DGKB: variants seen among roughly 807,000 people sequenced by gnomAD.
DGKB encodes the protein 90 kDa diacylglycerol kinase.
DGKB carries 67 observed loss-of-function variants against 114.3 expected under a neutral mutation model. That is an observed-to-expected ratio of 0.59 (90% confidence interval 0.48 to 0.72). DGKB has a LOEUF of 0.72. Among genes scored for constraint, DGKB ranks in the 30% least tolerant of loss-of-function variants. The pLI is 0.00. For missense variants in DGKB, 907 were observed against 975.2 expected (o/e 0.93, Z 0.93); for synonymous variants, 398 against 323.1 (o/e 1.23, Z -2.49).
At chr7:14,678,095 C>T (rs1820190122) in intron 12 of DGKB, among the ~76,000 whole-genome samples, 2 of 152,064 alleles carry the variant, frequency 1.3e-5, no homozygotes, top group South Asian at 4.1e-4. Flanking sequence ...TTAAATAGTA[C>T]ATATGTTTGA....
At chr7:14,852,487 C>CAAAAAACAAAAAACAAAAA (rs1554304212) in intron 1 of DGKB, among the ~76,000 whole-genome samples, 37 of 63,618 alleles carry the variant, frequency 5.8e-4, no homozygotes, top group African/African-American at 2.2e-3. Context: ...TAGTGAAAGT[C>CAAAAAACAAAAAACAAAAA]AAAAAAAAAA....
intron 1 of DGKB, among the ~76,000 whole-genome samples, chr7:14,849,312 C>T (rs972232424): frequency 2.0e-5 from 3 of 147,846 alleles, no homozygotes; most frequent in African/African-American, 7.5e-5. Context: ...GAATATTTGT[C>T]CCCCTCACTG....
intron 23 of DGKB, among the ~76,000 whole-genome samples, chr7:14,196,363 G>A (rs967469975): frequency 1.3e-5 from 2 of 151,970 alleles, no homozygotes; most frequent in East Asian, 1.9e-4. Context: ...AACAGACTGC[G>A]GGCAGATTGA....
At chr7:14,340,887 T>A (rs1251344253) in intron 22 of DGKB, among the ~76,000 whole-genome samples, 1 of 151,766 alleles carries the variant, frequency 6.6e-6, no homozygotes, top group Non-Finnish European at 1.5e-5. Flanking sequence ...ATTATTTGAC[T>A]AGGCCTTAGA....
intron 12 of DGKB, 30 bp downstream of exon 12, chr7:14,682,523 G>A (rs745408744): frequency 2.0e-5 from 30 of 1,469,166 alleles, no homozygotes; most frequent in African/African-American, 5.5e-5. Context: ...GTGGGTGAAT[G>A]CTGGGATTTG....
chr7:14,227,819 A>G (rs1054276011), intron 23 of DGKB, among the ~76,000 whole-genome samples: 7 of 152,086 alleles, frequency 4.6e-5, no homozygotes, highest in African/African-American at 1.7e-4. Flanking sequence ...GTGGAATTTT[A>G]TTAAAATTTT....
intron 2 of DGKB, among the ~76,000 whole-genome samples, chr7:14,770,613 TC>T (rs1405978079): frequency 1.3e-5 from 2 of 152,078 alleles, no homozygotes; most frequent in Admixed American, 6.6e-5. Context: ...CAAATATAGT[TC>T]CTTTGATATC....
chr7:14,310,886 A>G (rs186074010), intron 23 of DGKB, among the ~76,000 whole-genome samples: 31 of 152,126 alleles, frequency 2.0e-4, no homozygotes, highest in Non-Finnish European at 4.3e-4. Flanking sequence ...TAATCCCAGC[A>G]CTTTGGGGAA....
intron 1 of DGKB, among the ~76,000 whole-genome samples, chr7:14,877,298 G>A (rs909183059): frequency 1.3e-5 from 2 of 152,200 alleles, no homozygotes; most frequent in African/African-American, 4.8e-5. Context: ...GCTCATGCCT[G>A]TAATCCCAGC....
At chr7:14,313,126 G>A (rs1329639996) in intron 23 of DGKB, among the ~76,000 whole-genome samples, 1 of 152,134 alleles carries the variant, frequency 6.6e-6, no homozygotes, top group Non-Finnish European at 1.5e-5. Flanking sequence ...ACTACTTGTT[G>A]AATTTTGATA....
chr7:14,669,243 G>A (rs1305396834), intron 13 of DGKB, among the ~76,000 whole-genome samples: 2 of 152,086 alleles, frequency 1.3e-5, no homozygotes, highest in Admixed American at 6.6e-5. Flanking sequence ...GGTTCTGGTC[G>A]GAATCCTCTA....
chr7:14,503,548 T>C (rs1296508820), intron 20 of DGKB, among the ~76,000 whole-genome samples: 1 of 152,216 alleles, frequency 6.6e-6, no homozygotes, highest in Non-Finnish European at 1.5e-5. Flanking sequence ...TAATAGATTC[T>C]TATCTTTTTA....
intron 20 of DGKB, among the ~76,000 whole-genome samples, chr7:14,531,383 A>C (rs1054646367): frequency 1.3e-5 from 2 of 151,528 alleles, no homozygotes; most frequent in Non-Finnish European, 3.0e-5. Flanking sequence ...AAATCAATAC[A>C]GAAAAATTAA....
intron 6 of DGKB, among the ~76,000 whole-genome samples, chr7:14,717,318 A>G (rs1828365663): frequency 6.6e-6 from 1 of 152,118 alleles, no homozygotes; most frequent in African/African-American, 2.4e-5. Context: ...TTATATGTTT[A>G]TAATCATCCC....
intron 20 of DGKB, among the ~76,000 whole-genome samples, chr7:14,570,364 T>C (rs555442303): frequency 6.6e-6 from 1 of 152,092 alleles, no homozygotes; most frequent in Admixed American, 6.5e-5. Flanking sequence ...TTTCTCTTTT[T>C]CAAACACCTT....
At chr7:14,971,612 A>C (rs1787471852) in intron 1 of DGKB, among the ~76,000 whole-genome samples, 1 of 152,202 alleles carries the variant, frequency 6.6e-6, no homozygotes, top group Non-Finnish European at 1.5e-5. Flanking sequence ...AGGAAAAAGA[A>C]TGAAAAAAGA....
chr7:14,792,895 T>G (rs1840875957), intron 2 of DGKB, among the ~76,000 whole-genome samples: 1 of 152,162 alleles, frequency 6.6e-6, no homozygotes, highest in Non-Finnish European at 1.5e-5. Flanking sequence ...TTTAATTCAT[T>G]GAATTCGTCA....
rs533856201 is a variant in DGKB, at chr7:14,932,018, C to G, written c.-188+42678G>C. ...TGCTGCTGGTTCCCAGGACCATGGA[C>G]AGACTGCCAAGAGTTAGGATTGAAA... On this transcript the variant is annotated intron_variant, in intron 1 of 4. Coordinates refer to the DGKB transcript ENST00000437998. Among the ~76,000 whole-genome samples, 34 of 152,236 alleles carry G rather than the reference C, an allele frequency of 2.2e-4. No homozygotes were observed. The South Asian group carries it at 6.8e-3, about 31-fold the overall frequency.
At chr7:14,721,241 T>C (rs750809609) in intron 5 of DGKB, among the ~76,000 whole-genome samples, 4 of 152,240 alleles carry the variant, frequency 2.6e-5, no homozygotes, top group African/African-American at 7.2e-5. Flanking sequence ...TTTGTACTTA[T>C]ACAACTAAGG....
Sources: gnomAD v4.1 joint callset for allele counts (sites outside exome capture counted in the v4.1 genomes callset) on GRCh38, gnomAD v4.1.1 for gene constraint, MANE v1.5 for transcripts, NCBI Gene and HGNC (gene_info 2026-07-23, HGNC 2026-07-21) for gene names.